NPY2R: variants seen among roughly 807,000 people sequenced by gnomAD.
NPY2R encodes neuropeptide Y receptor type 2.
A neutral mutation model predicts 22.3 loss-of-function variants in NPY2R; 17 were observed. The ratio of observed to expected loss-of-function variants is 0.76; its 90% CI spans 0.52 to 1.14. The LOEUF is 1.14. Ranked by LOEUF, NPY2R falls within the 50% of genes most tolerant of loss-of-function variation. NPY2R has a pLI of 0.00. For missense variants in NPY2R, 424 were observed against 467.9 expected (o/e 0.91, Z 0.87); for synonymous variants, 209 against 183.4 (o/e 1.14, Z -1.13).
At chr4:155,193,242 T>A in the NPY2R span, among the ~76,000 whole-genome samples, 1 of 151,928 alleles carries the variant, frequency 6.6e-6, no homozygotes, top group African/African-American at 2.4e-5. Flanking sequence ...TCAATACCAT[T>A]ACCCCTCTTT....
At chr4:155,194,033 A>G in the NPY2R span, among the ~76,000 whole-genome samples, 1 of 151,954 alleles carries the variant, frequency 6.6e-6, no homozygotes, top group Admixed American at 6.6e-5. Context: ...TAACCTGCTT[A>G]GCATGTTAAT....
chr4:155,211,986 G>T (rs541969927), intron 1 of NPY2R, among the ~76,000 whole-genome samples: 4 of 152,318 alleles, frequency 2.6e-5, no homozygotes, highest in Non-Finnish European at 5.9e-5. Context: ...AACCCAGCCA[G>T]AATCCCAAGG....
chr4:155,198,447 T>C, the NPY2R span, among the ~76,000 whole-genome samples: 1 of 147,030 alleles, frequency 6.8e-6, no homozygotes, highest in East Asian at 2.0e-4. Context: ...AAAAGTTATA[T>C]ATAAAACATT....
At chr4:155,191,168 G>A in the NPY2R span, among the ~76,000 whole-genome samples, 3 of 151,874 alleles carry the variant, frequency 2.0e-5, no homozygotes, top group Non-Finnish European at 4.4e-5. Context: ...AGGTGAAGAA[G>A]AGAATGGAGA....
At chr4:155,195,553 CTTAT>C in the NPY2R span, among the ~76,000 whole-genome samples, 1 of 151,824 alleles carries the variant, frequency 6.6e-6, no homozygotes, top group Non-Finnish European at 1.5e-5. Context: ...ATCCACTATG[CTTAT>C]TTAAATATAA....
At chr4:155,176,359 C>T in the NPY2R span, among the ~76,000 whole-genome samples, 3 of 152,230 alleles carry the variant, frequency 2.0e-5, no homozygotes, top group South Asian at 2.1e-4. Context: ...CTCAGTCTTG[C>T]GTTGAACTCT....
the NPY2R span, among the ~76,000 whole-genome samples, chr4:155,195,869 A>G: frequency 2.1e-3 from 313 of 152,146 alleles, no homozygotes; most frequent in Non-Finnish European, 3.6e-3. Flanking sequence ...CAGAGGACAG[A>G]GCTGTTAGAA....
At chr4:155,196,160 T>C in the NPY2R span, among the ~76,000 whole-genome samples, 1 of 152,040 alleles carries the variant, frequency 6.6e-6, no homozygotes, top group Non-Finnish European at 1.5e-5. Context: ...TCCTTTTACA[T>C]CCTGGTCGGT....
the NPY2R span, among the ~76,000 whole-genome samples, chr4:155,201,870 CTTTTGCATT>C: frequency 6.6e-6 from 1 of 152,116 alleles, no homozygotes. Context: ...ATATCTACCA[CTTTTGCATT>C]AACACATCAG....
the NPY2R span, among the ~76,000 whole-genome samples, chr4:155,193,924 C>A: frequency 1.3e-5 from 2 of 151,830 alleles, no homozygotes; most frequent in Non-Finnish European, 2.9e-5. Flanking sequence ...AATAGGTATT[C>A]ATCAAAGTGT....
chr4:155,213,685 G>A (rs1478850716), intron 1 of NPY2R, among the ~76,000 whole-genome samples: 2 of 152,004 alleles, frequency 1.3e-5, no homozygotes, highest in Non-Finnish European at 2.9e-5. Flanking sequence ...TGATTTAATT[G>A]ATCCATATTT....
chr4:155,212,919 G>T (rs1729435582), intron 1 of NPY2R, among the ~76,000 whole-genome samples: 1 of 152,134 alleles, frequency 6.6e-6, no homozygotes, highest in Non-Finnish European at 1.5e-5. Context: ...AGAAAACGTG[G>T]TATGTAATAC....
the NPY2R span, among the ~76,000 whole-genome samples, chr4:155,178,740 A>C: frequency 0.47 from 71,167 of 151,646 alleles, 17,334 homozygotes; most frequent in East Asian, 0.7. Context: ...ATATTTATTA[A>C]TGAAGTCCCC....
In NPY2R at chr4:155,216,986, A is replaced by T. The variant is rs916234235; in HGVS notation, c.*1901A>T. ...GAATCCAATTAATGATTCAATTAACATATATCTTATCCAATTCATTATGTC... is the reference window on the plus strand; with the variant it reads ...GAATCCAATTAATGATTCAATTAACTTATATCTTATCCAATTCATTATGTC... On this transcript the variant is annotated 3_prime_UTR_variant, in exon 2 of 2. Coordinates refer to ENST00000329476, the MANE Select transcript of NPY2R (RefSeq NM_000910.4). 6.0e-6 allele frequency: 1 copy of T among 166,986 alleles called. No individual in the cohort carries two copies. Among genetic ancestry groups the T allele is most frequent in the Non-Finnish European group, 1.5e-5 (1 of 68,124 alleles). 10.3% of individuals were successfully genotyped at this position (166,986 alleles called of 1,614,324 possible). A position where few individuals can be genotyped will look rare whatever the true frequency, so the allele number is the denominator to read the frequency against.
chr4:155,179,839 T>C, the NPY2R span, among the ~76,000 whole-genome samples: 64,760 of 150,442 alleles, frequency 0.43, 14,224 homozygotes, highest in East Asian at 0.73. Flanking sequence ...TCTCCTCAAG[T>C]CAATAAGACC....
At chr4:155,208,134 C>T (rs1363862180), upstream of NPY2R, 1 of 152,270 alleles carries the variant, frequency 6.6e-6, no homozygotes, top group African/African-American at 2.4e-5. This position sits in a 1 kb window ranked among gnomAD's most constrained non-coding sequence, Gnocchi z 5.6. Context: ...CCTGCTGGCG[C>T]TTTTCCGGGG....
the NPY2R span, among the ~76,000 whole-genome samples, chr4:155,185,077 T>C: frequency 7.3e-5 from 11 of 150,388 alleles, no homozygotes; most frequent in Non-Finnish European, 1.3e-4. Flanking sequence ...TCTCGCTCTG[T>C]CACCCAGGTT....
the NPY2R span, among the ~76,000 whole-genome samples, chr4:155,200,547 C>T: frequency 2.0e-5 from 3 of 151,980 alleles, no homozygotes; most frequent in Non-Finnish European, 4.4e-5. Flanking sequence ...TAAAGACACA[C>T]GTACATGTAT....
At chr4:155,183,622 A>G in the NPY2R span, among the ~76,000 whole-genome samples, 2 of 152,190 alleles carry the variant, frequency 1.3e-5, no homozygotes, top group African/African-American at 4.8e-5. Flanking sequence ...AATGAGGATA[A>G]GGAGACTTGC....
Sources: allele counts gnomAD v4.1 joint callset (sites outside exome capture counted in the v4.1 genomes callset), GRCh38; gene constraint gnomAD v4.1.1; non-coding constraint Gnocchi (gnomAD v3.1); transcripts MANE v1.5; gene names NCBI Gene and HGNC (gene_info 2026-07-23, HGNC 2026-07-21).